Variants in ALPK1 observed in about 807,000 individuals in gnomAD.
ALPK1 encodes alpha kinase 1.
A neutral mutation model predicts 120.6 loss-of-function variants in ALPK1; 110 were observed. The observed-to-expected ratio is 0.91, with a 90% confidence interval of 0.78 to 1.07. The LOEUF (loss-of-function observed/expected upper bound fraction) is 1.07, where lower values mean the gene tolerates loss of function less well. ALPK1 is among the 50% of genes least tolerant of loss of function. ALPK1 has a pLI of 0.00. For synonymous variants in ALPK1, 582 were observed against 560.3 expected (o/e 1.04, Z -0.55); for missense variants, 1,498 against 1,483.9 (o/e 1.01, Z -0.16).
chr4:112,358,699 C>T (rs1228260676), intron 2 of ALPK1: 12 of 750,722 alleles, frequency 1.6e-5, no homozygotes, highest in South Asian at 6.9e-5. Context: ...GCAGAGGAGC[C>T]GCAAGGAAGG....
intron 1 of ALPK1, among the ~76,000 whole-genome samples, chr4:112,314,911 C>T (rs1023421458): frequency 7.8e-6 from 1 of 128,842 alleles, no homozygotes; most frequent in Non-Finnish European, 1.6e-5. Flanking sequence ...GAGACAGTCT[C>T]ACTCTGTTGC....
At chr4:112,377,196 C>T (rs1731704698) in intron 2 of ALPK1, among the ~76,000 whole-genome samples, 1 of 152,124 alleles carries the variant, frequency 6.6e-6, no homozygotes. Flanking sequence ...TTTGTCATTG[C>T]CTATCTTGGT....
chr4:112,376,301 C>T (rs1731656308), intron 2 of ALPK1, among the ~76,000 whole-genome samples: 1 of 152,168 alleles, frequency 6.6e-6, no homozygotes, highest in South Asian at 2.1e-4. Flanking sequence ...TGCTTGTGTT[C>T]TTCATCAACA....
chr4:112,324,099 G>A (rs966333494), intron 2 of ALPK1, among the ~76,000 whole-genome samples: 16 of 152,070 alleles, frequency 1.1e-4, no homozygotes, highest in African/African-American at 2.7e-4. Flanking sequence ...AGGCCAAGGC[G>A]GGCGGATCAC....
intron 2 of ALPK1, among the ~76,000 whole-genome samples, chr4:112,372,336 C>A (rs1731451524): frequency 6.6e-6 from 1 of 151,802 alleles, no homozygotes; most frequent in African/African-American, 2.4e-5. Flanking sequence ...GCCTCAGCCT[C>A]CCAATAGCTG....
intron 3 of ALPK1, 147 bp from the exon 4 acceptor site, chr4:112,382,251 T>A (rs1731948389): frequency 2.0e-6 from 2 of 1,020,884 alleles, no homozygotes; most frequent in Non-Finnish European, 2.8e-6. Context: ...AACCAACAGC[T>A]TAGACCAGCC....
At chr4:112,319,885 A>G (rs757403423) in intron 2 of ALPK1, among the ~76,000 whole-genome samples, 1 of 152,196 alleles carries the variant, frequency 6.6e-6, no homozygotes, top group South Asian at 2.1e-4. Flanking sequence ...TTTTGTGTAC[A>G]TTAATTTTGT....
intron 5 of ALPK1, among the ~76,000 whole-genome samples, chr4:112,420,208 TA>T (rs1304911021): frequency 1.3e-5 from 2 of 152,090 alleles, no homozygotes; most frequent in Non-Finnish European, 2.9e-5. Context: ...AGGAAATAAT[TA>T]AAATATACAA....
intron 4 of ALPK1, among the ~76,000 whole-genome samples, chr4:112,390,154 A>G (rs1461197290): frequency 6.6e-6 from 1 of 152,184 alleles, no homozygotes; most frequent in Non-Finnish European, 1.5e-5. Context: ...CCTGCCAGGC[A>G]TAGTCCTTCC....
chr4:112,358,803 G>A, intron 2 of ALPK1: 1 of 822,676 alleles, frequency 1.2e-6, no homozygotes, highest in Admixed American at 1.7e-5. Context: ...CATGAAGTAG[G>A]AGCTGAGCCA....
At position 112,394,945 on chromosome 4, in the gene ALPK1, G is replaced by C. The variant is rs189899418; in HGVS notation, c.276+12393G>C. Among the ~76,000 whole-genome samples, 592 of 152,268 alleles carry C rather than the reference G, an allele frequency of 3.9e-3. 2 individuals carry two copies. Among genetic ancestry groups the C allele is most frequent in the Admixed American group, 5.8e-3 (89 of 15,288 alleles). On this transcript the variant is annotated intron_variant, in intron 4 of 15. Transcript: ENST00000650871. ...GATGTGATCATTCTTTCTGGCAGCA[G>C]ATAAGAAAAACATCATCTCCCAAAT...
intron 1 of ALPK1, among the ~76,000 whole-genome samples, chr4:112,303,994 G>A (rs1173998146): frequency 2.6e-5 from 4 of 152,062 alleles, no homozygotes; most frequent in Admixed American, 1.3e-4. Flanking sequence ...GTGAGAACAT[G>A]GGGTGTTTGG....
intron 2 of ALPK1, chr4:112,358,141 T>C: frequency 1.6e-6 from 1 of 611,474 alleles, no homozygotes; most frequent in Non-Finnish European, 3.1e-6. Flanking sequence ...AGTTCCTCTC[T>C]GGGCAGGCGT....
At chr4:112,359,826 A>G (rs780460842) in intron 2 of ALPK1, 1 of 385,312 alleles carries the variant, frequency 2.6e-6, no homozygotes, top group Non-Finnish European at 5.1e-6. Context: ...GTGGGTGCCC[A>G]TGGAGGCCCT....
At chr4:112,423,703 T>C (rs899887027) in intron 5 of ALPK1, 1 of 641,806 alleles carries the variant, frequency 1.6e-6, no homozygotes, top group African/African-American at 1.8e-5. Flanking sequence ...ATCACATACA[T>C]ATGAATCTAA....
chr4:112,404,895 G>T (rs1313209292), intron 4 of ALPK1, among the ~76,000 whole-genome samples: 1 of 152,152 alleles, frequency 6.6e-6, no homozygotes, highest in East Asian at 1.9e-4. Flanking sequence ...GGCTAATTTA[G>T]TCTCCCTACC....
intron 2 of ALPK1, among the ~76,000 whole-genome samples, chr4:112,326,348 C>T (rs1039133763): frequency 1.2e-4 from 19 of 152,144 alleles, no homozygotes; most frequent in Middle Eastern, 3.4e-3. Flanking sequence ...ATGCTTGAGT[C>T]GAGGGGTCAT....
At chr4:112,401,095 C>T (rs112333329) in intron 4 of ALPK1, among the ~76,000 whole-genome samples, 151 of 152,298 alleles carry the variant, frequency 9.9e-4, no homozygotes, top group African/African-American at 3.3e-3. Context: ...TCTGGGCTGC[C>T]ATCTGGGCGT....
chr4:112,435,217 G>T lies in ALPK1; in HGVS notation c.3104G>T (p.Gly1035Val). 1 of 1,613,622 alleles carries T rather than the reference G, an allele frequency of 6.2e-7. No homozygotes were observed. Among genetic ancestry groups the T allele is most frequent in the Non-Finnish European group, 8.5e-7 (1 of 1,179,876 alleles). The stretch of plus-strand genomic sequence containing the variant: ...GCCCAGGAAACTATTGTCTATTTGG[G>T]GGACTACTTGACTGTGAAGAAAAAA... Reference protein sequence around the residue: ...WTAQETIVYLGDYLTVKKKGR... With the variant: ...WTAQETIVYLVDYLTVKKKGR... The change falls in exon 12 of 16, where the codon GGG becomes GTG. Residue 1035 changes from glycine to valine, a missense_variant. Transcript: ENST00000650871.
Sources: gnomAD v4.1 joint callset for allele counts (sites outside exome capture counted in the v4.1 genomes callset) on GRCh38, gnomAD v4.1.1 for gene constraint, MANE v1.5 for transcripts, NCBI Gene and HGNC (gene_info 2026-07-23, HGNC 2026-07-21) for gene names.